Variants in DOCK5 observed in about 807,000 individuals in gnomAD.
DOCK5 encodes dedicator of cytokinesis 5, also known as dedicator of cytokinesis protein 5.
In DOCK5, 142 loss-of-function variants were observed where a neutral mutation model predicts 251.8. The ratio of observed to expected loss-of-function variants is 0.56; its 90% CI spans 0.49 to 0.65. The LOEUF is 0.65. Among genes scored for constraint, DOCK5 ranks in the 30% least tolerant of loss-of-function variants. The pLI is 0.00. For synonymous variants in DOCK5, 842 were observed against 835.5 expected, an observed-to-expected ratio of 1.01 and a Z score of -0.13; for missense variants, 2,111 against 2,312.3, an observed-to-expected ratio of 0.91 and a Z score of 1.79.
At chr8:25,249,154 A>G (rs561894034) in intron 2 of DOCK5, among the ~76,000 whole-genome samples, 2 of 152,168 alleles carry the variant, frequency 1.3e-5, no homozygotes, top group South Asian at 2.1e-4. Flanking sequence ...ACATGCCACC[A>G]TGCCTAGCTA....
rs761902189 is a variant in DOCK5, at chr8:25,278,553, G to A, written c.225-16G>A. ...ATCAGCCTAGAAGAAAGTGACCCTC[G>A]TTTGGTTCTTTGTAGGCAGCATGAA... On this transcript the variant is annotated splice_polypyrimidine_tract_variant and intron_variant, in intron 4 of 51. Transcript: ENST00000276440. 5.0e-6 allele frequency: 8 copies of A among 1,613,384 alleles called. No individual in the cohort carries two copies. The highest frequency in any genetic ancestry group is 3.3e-5 in the South Asian group (3 of 91,020).
chr8:25,393,777 C>T (rs1475733768), intron 44 of DOCK5, among the ~76,000 whole-genome samples: 1 of 152,190 alleles, frequency 6.6e-6, no homozygotes, highest in East Asian at 1.9e-4. Context: ...ACCATGTTTA[C>T]ATGTCCTGAG....
At chr8:25,302,250 G>T in intron 9 of DOCK5, 75 bp from the exon 10 acceptor site, 2 of 1,502,648 alleles carry the variant, frequency 1.3e-6, no homozygotes, top group East Asian at 2.3e-5. Context: ...TTGTTGTAGA[G>T]GGTAAAGAAA....
chr8:25,250,113 A>G (rs1348322817), intron 2 of DOCK5, among the ~76,000 whole-genome samples: 5 of 152,112 alleles, frequency 3.3e-5, no homozygotes. Context: ...TCATAGGGTA[A>G]CTCAATGTTT....
chr8:25,258,432 A>T (rs2117577656), intron 2 of DOCK5, among the ~76,000 whole-genome samples: 1 of 152,300 alleles, frequency 6.6e-6, no homozygotes, highest in East Asian at 1.9e-4. Context: ...TAAAATTGAC[A>T]AGGGAAAAAA....
intron 6 of DOCK5, among the ~76,000 whole-genome samples, chr8:25,292,557 C>T (rs1804520573): frequency 6.6e-6 from 1 of 152,104 alleles, no homozygotes; most frequent in Admixed American, 6.6e-5. Context: ...GGAACCAGCC[C>T]AGACAACATA....
chr8:25,285,437 G>A (rs1437302644), intron 5 of DOCK5, among the ~76,000 whole-genome samples: 1 of 152,112 alleles, frequency 6.6e-6, no homozygotes, highest in Non-Finnish European at 1.5e-5. Context: ...GAGCCACTAT[G>A]CCCAGCCAAT....
rs575505135 is a variant in DOCK5 at position 25,262,132 on chromosome 8, G to A, written c.128-6713G>A. Among the ~76,000 whole-genome samples the A allele has an allele frequency of 1.6e-4, 25 of 152,252 alleles. 1 individual carries two copies. In the South Asian group the frequency reaches 4.8e-3, roughly 29 times the overall value. On this transcript the variant is annotated intron_variant, in intron 2 of 51. Coordinates refer to ENST00000276440, the MANE Select transcript of DOCK5 (RefSeq NM_024940.8). Reference sequence around the variant, plus strand: ...GGAGTGAGGATGTGGCCAGGTCATAGGATAAGTGTACGTTTAACTTTATAA... The same window carrying A: ...GGAGTGAGGATGTGGCCAGGTCATAAGATAAGTGTACGTTTAACTTTATAA...
intron 45 of DOCK5, among the ~76,000 whole-genome samples, chr8:25,398,601 CTTCTGG>C (rs1231222445): frequency 6.6e-6 from 1 of 152,168 alleles, no homozygotes; most frequent in African/African-American, 2.4e-5. Flanking sequence ...CTCGTCCTGG[CTTCTGG>C]TGTCTTCTTG....
intron 2 of DOCK5, among the ~76,000 whole-genome samples, chr8:25,246,114 G>A (rs976172245): frequency 6.6e-6 from 1 of 151,972 alleles, no homozygotes; most frequent in Non-Finnish European, 1.5e-5. Flanking sequence ...GTCTTACTCT[G>A]TAGTAACATG....
intron 17 of DOCK5, 92 bp downstream of exon 17, chr8:25,324,043 C>T: frequency 7.4e-7 from 1 of 1,351,750 alleles, no homozygotes; most frequent in Non-Finnish European, 1.0e-6. Context: ...ACATCAGAAA[C>T]CTTTCTAGAG....
At position 25,351,800 on chromosome 8, in the gene DOCK5, G is replaced by A. The variant is rs1419022620; in HGVS notation, c.2824G>A (p.Gly942Arg). ...GAGAAGGATCAACCGGACAGTGATT[G>A]GGATGAACCGGCAGTCTCCCCACAT... ...LLRRINRTVI[G>R]MNRQSPHIGS... The change falls in exon 27 of 52, where the codon GGG becomes AGG. Residue 942 changes from glycine (G) to arginine (R), a missense_variant. Physicochemically the swap from Gly to Arg is moderately radical, Grantham distance 125. Coordinates refer to ENST00000276440, the MANE Select transcript of DOCK5 (RefSeq NM_024940.8). 1.9e-6 allele frequency: 3 copies of A among 1,613,730 alleles called. No individual in the cohort carries two copies. The highest frequency in any genetic ancestry group is 2.5e-6 in the Non-Finnish European group (3 of 1,179,830).
chr8:25,294,446 T>C (rs1804568738), intron 6 of DOCK5, among the ~76,000 whole-genome samples: 2 of 152,232 alleles, frequency 1.3e-5, no homozygotes. Context: ...CGGGAATGCA[T>C]GCTGGGTATT....
chr8:25,248,081 A>G (rs776462390), intron 2 of DOCK5, among the ~76,000 whole-genome samples: 1 of 152,216 alleles, frequency 6.6e-6, no homozygotes, highest in Admixed American at 6.5e-5. Flanking sequence ...CCGTGAGCTT[A>G]CTGAGTTCAT....
chr8:25,379,115 A>C (rs1045032159), intron 38 of DOCK5, among the ~76,000 whole-genome samples: 1 of 152,216 alleles, frequency 6.6e-6, no homozygotes, highest in Admixed American at 6.5e-5. Context: ...AAGAGGGTCT[A>C]TGTTCAGCGG....
At chr8:25,404,384 G>A (rs1801489628) in intron 48 of DOCK5, among the ~76,000 whole-genome samples, 1 of 152,136 alleles carries the variant, frequency 6.6e-6, no homozygotes, top group South Asian at 2.1e-4. Context: ...TACAGATTGA[G>A]TATCCCTCAT....
intron 42 of DOCK5, among the ~76,000 whole-genome samples, chr8:25,391,125 C>G (rs574199318): frequency 5.5e-4 from 83 of 152,096 alleles, no homozygotes; most frequent in African/African-American, 1.6e-3. Flanking sequence ...ACTGCAACTT[C>G]AAACTCCTGG....
At chr8:25,325,249 G>A (rs1805534124) in intron 17 of DOCK5, 115 bp from the exon 18 acceptor site, 1 of 1,094,892 alleles carries the variant, frequency 9.1e-7, no homozygotes, top group South Asian at 1.6e-5. Flanking sequence ...GGGATCTTCA[G>A]GATAAATTGA....
intron 1 of DOCK5, among the ~76,000 whole-genome samples, chr8:25,207,279 A>T (rs1214245511): frequency 6.6e-6 from 1 of 152,226 alleles, no homozygotes; most frequent in African/African-American, 2.4e-5. Context: ...GCAAGTGCTG[A>T]TATAGAAGCT....
Sources: gnomAD v4.1 joint callset for allele counts (sites outside exome capture counted in the v4.1 genomes callset) on GRCh38, gnomAD v4.1.1 for gene constraint, MANE v1.5 for transcripts, NCBI Gene and HGNC (gene_info 2026-07-23, HGNC 2026-07-21) for gene names.